Variants in MMP13 observed in about 807,000 individuals in gnomAD.
MMP13 encodes the protein collagenase 3.
A neutral mutation model predicts 52.1 loss-of-function variants in MMP13; 45 were observed. That is an observed-to-expected ratio of 0.86 (90% CI 0.68 to 1.11). The LOEUF is 1.11. Ranked by LOEUF, MMP13 falls within the 50% of genes least tolerant of loss-of-function variation. MMP13 has a pLI of 0.00. For missense variants in MMP13, 576 were observed against 583.8 expected, an observed-to-expected ratio of 0.99 and a Z score of 0.14; for synonymous variants, 200 against 204.4, an observed-to-expected ratio of 0.98 and a Z score of 0.18.
intron 5 of MMP13, among the ~76,000 whole-genome samples, chr11:102,951,454 C>T (rs782712852): frequency 3.3e-5 from 5 of 151,924 alleles, no homozygotes; most frequent in Non-Finnish European, 4.4e-5. Flanking sequence ...AGTACAAATA[C>T]GAGGAGTTAT....
intron 8 of MMP13, 59 bp from the exon 9 acceptor site, chr11:102,945,808 T>C: frequency 1.1e-6 from 1 of 888,670 alleles, no homozygotes; most frequent in Non-Finnish European, 1.8e-6. Flanking sequence ...ACCTTAGAAA[T>C]AATACAATAG....
In MMP13 at chr11:102,944,081, A is replaced by G. The variant is rs1860453853; in HGVS notation, c.*185T>C. ...AGAGATCCTCCATTTCATTACTCTA[A>G]CATTCTTCAATGTGGTTCCAGCCAC... On this transcript the variant is annotated 3_prime_UTR_variant, in exon 10 of 10. Transcript: ENST00000260302. 1.7e-6 allele frequency: 1 copy of G among 596,186 alleles called. No homozygotes were observed. The allele number at this position is 596,186 out of a possible 1,614,324, so 36.9% of individuals were successfully genotyped here.
intron 5 of MMP13, among the ~76,000 whole-genome samples, chr11:102,951,727 T>C (rs1416151231): frequency 2.0e-5 from 3 of 152,128 alleles, no homozygotes; most frequent in African/African-American, 7.2e-5. Flanking sequence ...ACTACAGATA[T>C]AGGCTATATG....
chr11:102,954,010 A>G (rs1591158661), intron 4 of MMP13, 146 bp downstream of exon 4: 5 of 851,592 alleles, frequency 5.9e-6, no homozygotes, highest in East Asian at 5.5e-5. Flanking sequence ...ACTTGTAGAG[A>G]CACTAATACA....
intron 9 of MMP13, 80 bp from the exon 10 acceptor site, chr11:102,944,446 T>TCTTAGATC: frequency 1.0e-6 from 1 of 976,956 alleles, no homozygotes; most frequent in Non-Finnish European, 1.6e-6. Context: ...TGGTTCAATC[T>TCTTAGATC]CTTAGATCCC....
rs71066125 is a variant in MMP13 at position 102,947,667 on chromosome 11, TTGTGTG to T, written c.1211+218_1211+223del. Among the ~76,000 whole-genome samples, 348 of 144,898 alleles carry T rather than the reference TTGTGTG, an allele frequency of 2.4e-3. 1 individual carries two copies. In the East Asian group the frequency reaches 0.036, roughly 15 times the overall value. The stretch of plus-strand genomic sequence containing the variant: ...GTTTGAGAAGAGGAATGTTTGAGTA[TTGTGTG>T]TGTGTGTGTGTGTGTGTGTGTGTGT... On this transcript the variant is annotated intron_variant, in intron 8 of 9. Transcript: ENST00000260302.
intron 8 of MMP13, 43 bp downstream of exon 8, chr11:102,947,848 T>G (rs782362677): frequency 6.2e-7 from 1 of 1,610,242 alleles, no homozygotes; most frequent in African/African-American, 1.3e-5. Flanking sequence ...TGAGGCACTT[T>G]GCGGCTATGA....
At position 102,950,199 on chromosome 11, in the gene MMP13, T is replaced by A; in HGVS notation, c.828A>T (p.Lys276Asn). ...YGPGDEDPNP[K>N]HPKTPDKCDP... ...CACATTTGTCTGGCGTTTTTGGATG[T>A]TTAGGGTTGGGGTCTTCATCTCCTG... is the stretch of plus-strand genomic sequence containing the variant. The change falls in exon 6 of 10, where the codon AAA (lysine) becomes AAT (asparagine). Residue 276 changes from lysine to asparagine, a missense_variant. Coordinates refer to ENST00000260302, the MANE Select transcript of MMP13 (RefSeq NM_002427.4). 6.2e-7 allele frequency: 1 copy of A among 1,613,710 alleles called. No homozygotes were observed. Among genetic ancestry groups the A allele is most frequent in the Non-Finnish European group, 8.5e-7 (1 of 1,179,684 alleles).
chr11:102,949,703 T>A lies in MMP13; in HGVS notation c.917+407A>T, dbSNP rs782104807. On this transcript the variant is annotated intron_variant, in intron 6 of 9. Coordinates refer to ENST00000260302, the MANE Select transcript of MMP13 (RefSeq NM_002427.4). This position sits in a 1 kb window ranked among gnomAD's most constrained non-coding sequence, Gnocchi z 4.2. ...TTTTATATTGCATTTCTGGGTTCATTTCATTTCATCCCTCAAATTCCAACA... is the reference window on the plus strand; with the variant it reads ...TTTTATATTGCATTTCTGGGTTCATATCATTTCATCCCTCAAATTCCAACA... 6.6e-6 allele frequency among the ~76,000 whole-genome samples: 1 copy of A among 152,190 alleles called. No homozygotes were observed. Among genetic ancestry groups the A allele is most frequent in the African/African-American group, 2.4e-5 (1 of 41,442 alleles).
At position 102,944,352 on chromosome 11, in the gene MMP13, A is replaced by T. The variant is rs956102040; in HGVS notation, c.1330T>A (p.Phe444Ile). Residue 444 changes from phenylalanine to isoleucine, a missense_variant, in exon 10 of 10, where the codon TTC becomes ATC. Physicochemically the swap from Phe to Ile is conservative, Grantham distance 21 (BLOSUM62 0). Coordinates refer to ENST00000260302, the MANE Select transcript of MMP13 (RefSeq NM_002427.4). ...VYEKNGYIYF[F>I]NGPIQFEYSI... ...TATTCAAACTGTATGGGTCCGTTGA[A>T]AAAATAGATATAACCTATAAGAAAA... 1 of 1,608,748 alleles carries T rather than the reference A, an allele frequency of 6.2e-7. No homozygotes were observed. Among genetic ancestry groups the T allele is most frequent in the South Asian group, 1.1e-5 (1 of 91,006 alleles).
chr11:102,954,467 C>T lies in MMP13; in HGVS notation c.502G>A (p.Gly168Arg). ...AAATGTGCATCATTACCCTTAATTC[C>T]AAAAGAGATCATGATGTCAGCAATG... Reference protein sequence around the residue: ...DGIADIMISFGIKEHGDFYPF... With the variant: ...DGIADIMISFRIKEHGDFYPF... Residue 168 changes from glycine to arginine, a missense_variant, in exon 3 of 10, where the codon GGA becomes AGA. Gly to Arg is a moderately radical substitution (Grantham distance 125). Transcript: ENST00000260302. 6.2e-7 allele frequency: 1 copy of T among 1,613,272 alleles called. No homozygotes were observed. Among genetic ancestry groups the T allele is most frequent in the Non-Finnish European group, 8.5e-7 (1 of 1,179,594 alleles).
At chr11:102,953,684 G>A (rs1860648552) in intron 4 of MMP13, among the ~76,000 whole-genome samples, 1 of 152,144 alleles carries the variant, frequency 6.6e-6, no homozygotes, top group Non-Finnish European at 1.5e-5. Flanking sequence ...ATATAGACAA[G>A]ACTGAATCAA....
At position 102,947,043 on chromosome 11, in the gene MMP13, A is replaced by G. The variant is rs146003015; in HGVS notation, c.1211+848T>C. Among the ~76,000 whole-genome samples the G allele has an allele frequency of 2.7e-3, 414 of 152,268 alleles. 2 individuals carry two copies. Among genetic ancestry groups the G allele is most frequent in the African/African-American group, 9.3e-3 (385 of 41,550 alleles). ...ATGTCAATGCTGCCTAAATCTTTAC[A>G]TGTGTTTTAAACATTCCAGCTTCAC... On this transcript the variant is annotated intron_variant, in intron 8 of 9. Transcript: ENST00000260302.
intron 5 of MMP13, among the ~76,000 whole-genome samples, chr11:102,951,800 G>C (rs557010572): frequency 1.3e-5 from 2 of 152,188 alleles, no homozygotes; most frequent in East Asian, 3.9e-4. Context: ...AGTACTGCAG[G>C]CACATGTAAC....
chr11:102,949,769 G>C lies in MMP13; in HGVS notation c.917+341C>G, dbSNP rs17860561. ...AGTCTTTCCATACCAAAACGAATCC[G>C]TGTGGGCCTAACGAGTAACCATTTA... On this transcript the variant is annotated intron_variant, in intron 6 of 9. Transcript: ENST00000260302. The surrounding 1 kb of genome is among the most constrained non-coding windows in gnomAD (Gnocchi z 4.2). Among the ~76,000 whole-genome samples the C allele has an allele frequency of 2.0e-5, 3 of 152,038 alleles. No homozygotes were observed. The highest frequency in any genetic ancestry group is 6.6e-5 in the Admixed American group (1 of 15,252).
At chr11:102,953,068 T>C (rs1297793671) in intron 4 of MMP13, among the ~76,000 whole-genome samples, 1 of 152,148 alleles carries the variant, frequency 6.6e-6, no homozygotes, top group Non-Finnish European at 1.5e-5. Context: ...AGAGGTCACA[T>C]AATCTGAGTG....
At chr11:102,953,644 G>A (rs1406931632) in intron 4 of MMP13, among the ~76,000 whole-genome samples, 3 of 152,134 alleles carry the variant, frequency 2.0e-5, no homozygotes. Flanking sequence ...GTAAGAGTCT[G>A]TCTAGGTTTT....
At chr11:102,951,946 A>C (rs1368839132) in intron 5 of MMP13, 66 bp downstream of exon 5, 30 of 1,551,510 alleles carry the variant, frequency 1.9e-5, no homozygotes, top group Non-Finnish European at 2.4e-5. Context: ...TGCAATTTAG[A>C]AAATAAATGC....
Position 102,947,936 on chromosome 11 carries a change from TC to T in MMP13, c.1165del (p.Glu389ArgfsTer31), listed in dbSNP as rs782392177. The T allele has an allele frequency of 6.2e-7, 1 of 1,613,848 alleles. No individual in the cohort carries two copies. The highest frequency in any genetic ancestry group is 1.3e-5 in the African/African-American group (1 of 74,888). ...GAACAGGAGAGTCTTGCCTGTATCC[TC>T]AAAGTGAACAGCTGCACTTATCTTC... ...VKKISAAVHF[E>X]DTGKTLLFSG... On this transcript the variant is annotated frameshift_variant, in exon 8 of 10. Transcript: ENST00000260302. LOFTEE classifies it high-confidence loss of function.
Sources: allele counts gnomAD v4.1 joint callset (sites outside exome capture counted in the v4.1 genomes callset), GRCh38; gene constraint gnomAD v4.1.1; non-coding constraint Gnocchi (gnomAD v3.1); transcripts MANE v1.5; gene names NCBI Gene and HGNC (gene_info 2026-07-23, HGNC 2026-07-21).